HOMER2: variants seen among roughly 807,000 people sequenced by gnomAD.
The protein encoded by HOMER2 is homer scaffold protein 2.
A neutral mutation model predicts 47.0 loss-of-function variants in HOMER2; 27 were observed. That is an observed-to-expected ratio of 0.57 (90% CI 0.42 to 0.79). The LOEUF (loss-of-function observed/expected upper bound fraction) is 0.79. HOMER2 is among the 30% of genes least tolerant of loss of function. The probability of loss-of-function intolerance (pLI) is 0.00; values close to 1 mark genes in which losing one functional copy is unlikely to be tolerated. For missense variants in HOMER2, 443 were observed against 435.0 expected, an observed-to-expected ratio of 1.02 and a Z score of -0.16; for synonymous variants, 161 against 163.8, an observed-to-expected ratio of 0.98 and a Z score of 0.13.
chr15:82,855,511 G>T (rs903310703), intron 5 of HOMER2, among the ~76,000 whole-genome samples: 1 of 152,110 alleles, frequency 6.6e-6, no homozygotes, highest in Non-Finnish European at 1.5e-5. Flanking sequence ...AGCCATGGAC[G>T]GACCTCCAGG....
chr15:82,839,775 T>A (rs1297422868), exon 2 of HOMER2: 1 of 152,174 alleles, frequency 6.6e-6, no homozygotes, highest in Non-Finnish European at 1.5e-5. Context: ...GTCCATAATA[T>A]TATACTTTGT....
At chr15:82,972,852 T>C (rs899308594) in intron 1 of HOMER2, among the ~76,000 whole-genome samples, 3 of 152,204 alleles carry the variant, frequency 2.0e-5, no homozygotes, top group Non-Finnish European at 4.4e-5. Flanking sequence ...AGGTAAAAGT[T>C]GTATCTGGGT....
chr15:82,899,928 AG>A (rs2053056021), intron 1 of HOMER2, among the ~76,000 whole-genome samples: 1 of 152,188 alleles, frequency 6.6e-6, no homozygotes, highest in Non-Finnish European at 1.5e-5. Context: ...AGGCTGAGGC[AG>A]GAGAATCGCT....
chr15:82,902,196 G>GTTTT (rs777887081), intron 1 of HOMER2, among the ~76,000 whole-genome samples: 2 of 112,058 alleles, frequency 1.8e-5, no homozygotes, highest in Admixed American at 8.9e-5. Flanking sequence ...ACATCCAAGT[G>GTTTT]ATTTTTTTTT....
chr15:82,863,270 G>A (rs1421407340), intron 4 of HOMER2, among the ~76,000 whole-genome samples: 1 of 151,948 alleles, frequency 6.6e-6, no homozygotes, highest in African/African-American at 2.4e-5. Flanking sequence ...GTCCCTCCCT[G>A]CCTGCCTTAC....
intron 8 of HOMER2, among the ~76,000 whole-genome samples, chr15:82,850,807 G>A (rs1203459733): frequency 6.6e-6 from 1 of 152,192 alleles, no homozygotes; most frequent in Admixed American, 6.5e-5. Context: ...CACTGGCAGG[G>A]GAGTGGCTGA....
At chr15:82,929,981 G>A (rs912036361) in intron 1 of HOMER2, among the ~76,000 whole-genome samples, 6 of 151,846 alleles carry the variant, frequency 4.0e-5, no homozygotes, top group East Asian at 1.9e-4. Context: ...CGTCCGCCTC[G>A]GCCTCCCAAA....
intron 1 of HOMER2, among the ~76,000 whole-genome samples, chr15:82,949,408 GC>G (rs1055744640): frequency 6.6e-6 from 1 of 152,152 alleles, no homozygotes; most frequent in Admixed American, 6.5e-5. Context: ...GGCCAGAGGA[GC>G]TGAGAGGGGT....
Position 82,852,242 on chromosome 15 carries a change from AG to A in HOMER2, c.661del (p.Leu221TrpfsTer18). 1.9e-6 allele frequency: 3 copies of A among 1,613,278 alleles called. No homozygotes were observed. Among genetic ancestry groups the A allele is most frequent in the Non-Finnish European group, 2.5e-6 (3 of 1,179,384 alleles). ...GTTGATCTCACTGCATTGTTCTTCC[AG>A]CTCATCAATCTTCAATACACACCAC... Reference protein sequence around the residue: ...NDRLRNKIDELEEQCSEINRE... With the variant: ...NDRLRNKIDEXEEQCSEINRE... On this transcript the variant is annotated frameshift_variant, in exon 7 of 9. Transcript: ENST00000450735. LOFTEE classifies it high-confidence loss of function.
intron 1 of HOMER2, among the ~76,000 whole-genome samples, chr15:82,909,454 A>T (rs1330959935): frequency 6.6e-6 from 1 of 152,054 alleles, no homozygotes; most frequent in East Asian, 1.9e-4. Context: ...TACAAATTGG[A>T]GTGGTGGGGT....
At chr15:82,836,587 C>G (rs1446228791), downstream of HOMER2, among the ~76,000 whole-genome samples, 1 of 152,260 alleles carries the variant, frequency 6.6e-6, no homozygotes, top group Admixed American at 6.5e-5. Context: ...TCTGACCTCT[C>G]TCTCCTATAC....
At chr15:82,932,439 G>A (rs2054035085) in intron 1 of HOMER2, among the ~76,000 whole-genome samples, 1 of 150,976 alleles carries the variant, frequency 6.6e-6, no homozygotes, top group Admixed American at 6.6e-5. Context: ...AGGTTGCAGT[G>A]AGCCAAGATC....
chr15:82,968,313 G>A (rs1431317653), intron 1 of HOMER2, among the ~76,000 whole-genome samples: 1 of 152,230 alleles, frequency 6.6e-6, no homozygotes, highest in Non-Finnish European at 1.5e-5. Context: ...CAGTTAGTCA[G>A]TCAGTCCTCA....
At position 82,924,651 on chromosome 15, in the gene HOMER2, C is replaced by T. The variant is rs770562549; in HGVS notation, c.5+27880G>A. Among the ~76,000 whole-genome samples, 39 of 152,182 alleles carry T rather than the reference C, an allele frequency of 2.6e-4. 1 individual carries two copies. Among genetic ancestry groups the T allele is most frequent in the South Asian group, 4.1e-4 (2 of 4,834 alleles). On this transcript the variant is annotated intron_variant, in intron 1 of 8. Transcript: ENST00000450735. ...GCAATGCTTGCTAAGATCCGCTCCCCGCAATCTCAGCAGAACCTTGGAAAA... is the reference window on the plus strand; with the variant it reads ...GCAATGCTTGCTAAGATCCGCTCCCTGCAATCTCAGCAGAACCTTGGAAAA...
At chr15:82,981,818 A>C (rs78292983) in intron 1 of HOMER2, among the ~76,000 whole-genome samples, 6,874 of 152,282 alleles carry the variant, frequency 0.045, 302 homozygotes, top group African/African-American at 0.12. Context: ...ATAAAGATAA[A>C]GTAGAATGGT....
At chr15:82,973,280 G>C (rs2030073256) in intron 1 of HOMER2, among the ~76,000 whole-genome samples, 1 of 152,128 alleles carries the variant, frequency 6.6e-6, no homozygotes, top group Admixed American at 6.5e-5. Context: ...GTAGGTTCCT[G>C]AGTTATCCCT....
At chr15:82,861,548 T>C (rs2051789421) in intron 4 of HOMER2, among the ~76,000 whole-genome samples, 1 of 152,210 alleles carries the variant, frequency 6.6e-6, no homozygotes, top group Non-Finnish European at 1.5e-5. Flanking sequence ...ATTTTTCCTT[T>C]ATACAATAAA....
chr15:82,850,008 T>C (rs1419403224), intron 8 of HOMER2, 105 bp from the exon 9 acceptor site: 6 of 1,205,056 alleles, frequency 5.0e-6, no homozygotes, highest in East Asian at 4.7e-5. Context: ...TCTGAGGGCC[T>C]GGGCCAGGGC....
At chr15:82,932,327 T>C (rs1011018321) in intron 1 of HOMER2, among the ~76,000 whole-genome samples, 3 of 152,082 alleles carry the variant, frequency 2.0e-5, no homozygotes, top group African/African-American at 7.2e-5. Context: ...AAACCCTGTC[T>C]CTGCTAAAAT....
Sources: allele counts gnomAD v4.1 joint callset (sites outside exome capture counted in the v4.1 genomes callset), GRCh38; gene constraint gnomAD v4.1.1; transcripts MANE v1.5; gene names NCBI Gene and HGNC (gene_info 2026-07-23, HGNC 2026-07-21).